Variants in LEKR1 observed in about 807,000 individuals in gnomAD.
LEKR1 encodes the protein leucine, glutamate and lysine rich 1, also known as protein LEKR1.
LEKR1 carries 59 observed loss-of-function variants against 72.4 expected under a neutral mutation model. The ratio of observed to expected loss-of-function variants is 0.82; its 90% confidence interval spans 0.66 to 1.01. The LOEUF (loss-of-function observed/expected upper bound fraction) is 1.01, where lower values mean the gene tolerates loss of function less well. LEKR1 is among the 50% of genes least tolerant of loss of function. LEKR1 has a pLI of 0.00. For synonymous variants in LEKR1, 257 were observed against 263.2 expected, an observed-to-expected ratio of 0.98 and a Z score of 0.23; for missense variants, 728 against 759.2, an observed-to-expected ratio of 0.96 and a Z score of 0.48.
At chr3:157,021,670 C>G (rs1374288386) in intron 10 of LEKR1, among the ~76,000 whole-genome samples, 1 of 152,090 alleles carries the variant, frequency 6.6e-6, no homozygotes, top group Non-Finnish European at 1.5e-5. Flanking sequence ...CCTAAAATAG[C>G]TATTGGGCTC....
intron 11 of LEKR1, among the ~76,000 whole-genome samples, chr3:157,026,819 C>T (rs1423911897): frequency 6.6e-6 from 1 of 152,158 alleles, no homozygotes; most frequent in Non-Finnish European, 1.5e-5. Context: ...TCATTAGAAG[C>T]AGCTCTTGTT....
intron 3 of LEKR1, among the ~76,000 whole-genome samples, chr3:156,891,490 G>A (rs921176006): frequency 1.3e-5 from 2 of 152,132 alleles, no homozygotes; most frequent in African/African-American, 4.8e-5. Flanking sequence ...GAAATATAAG[G>A]TTATTGTTTT....
chr3:156,969,677 G>A (rs958849590), intron 6 of LEKR1, among the ~76,000 whole-genome samples: 6 of 152,084 alleles, frequency 3.9e-5, no homozygotes, highest in Non-Finnish European at 8.8e-5. Flanking sequence ...ATTCACAGCC[G>A]AATTCTACCA....
chr3:156,896,197 CAG>C (rs1721164236), intron 3 of LEKR1, among the ~76,000 whole-genome samples: 1 of 152,030 alleles, frequency 6.6e-6, no homozygotes, highest in East Asian at 1.9e-4. Flanking sequence ...TGGGGCCTGT[CAG>C]GGGGCATGGT....
intron 3 of LEKR1, among the ~76,000 whole-genome samples, chr3:156,885,679 A>G (rs548494991): frequency 1.0e-3 from 154 of 152,342 alleles, no homozygotes; most frequent in Non-Finnish European, 1.7e-3. Flanking sequence ...GCGGAGAAGT[A>G]AAGTAGACCC....
chr3:156,849,654 G>A (rs1715089111), intron 2 of LEKR1, among the ~76,000 whole-genome samples: 1 of 152,102 alleles, frequency 6.6e-6, no homozygotes, highest in Non-Finnish European at 1.5e-5. Flanking sequence ...ACAAGAAATG[G>A]GGAAAGGATT....
At chr3:156,857,162 A>G (rs1487504191) in intron 3 of LEKR1, among the ~76,000 whole-genome samples, 1 of 152,096 alleles carries the variant, frequency 6.6e-6, no homozygotes, top group African/African-American at 2.4e-5. Flanking sequence ...TCTATCTTCT[A>G]TTGAGATGAT....
At chr3:156,884,275 A>G (rs1307129880) in intron 3 of LEKR1, among the ~76,000 whole-genome samples, 1 of 152,124 alleles carries the variant, frequency 6.6e-6, no homozygotes, top group African/African-American at 2.4e-5. Context: ...TACATTCAAC[A>G]TTAGTATTGA....
chr3:157,023,593 G>T (rs1733986445), intron 10 of LEKR1, among the ~76,000 whole-genome samples: 1 of 152,134 alleles, frequency 6.6e-6, no homozygotes, highest in African/African-American at 2.4e-5. Context: ...GCTTTACACA[G>T]AAGCTTTGCC....
intron 6 of LEKR1, among the ~76,000 whole-genome samples, chr3:156,943,014 T>A (rs1726365065): frequency 6.6e-6 from 1 of 151,980 alleles, no homozygotes; most frequent in African/African-American, 2.4e-5. Flanking sequence ...TGTGCTCTTC[T>A]ATGTTTCCTT....
chr3:156,890,881 A>G (rs1009566680), intron 3 of LEKR1, among the ~76,000 whole-genome samples: 3 of 139,480 alleles, frequency 2.2e-5, no homozygotes, highest in Non-Finnish European at 4.6e-5. Context: ...TTTTTTTGAG[A>G]TGGAGTCTCA....
At chr3:156,981,540 C>T (rs989466854) in intron 7 of LEKR1, among the ~76,000 whole-genome samples, 1 of 152,138 alleles carries the variant, frequency 6.6e-6, no homozygotes, top group African/African-American at 2.4e-5. Flanking sequence ...TTTAGAAATG[C>T]GAATTAGGAA....
chr3:156,961,591 G>A (rs904974406), intron 6 of LEKR1, among the ~76,000 whole-genome samples: 1 of 152,168 alleles, frequency 6.6e-6, no homozygotes, highest in African/African-American at 2.4e-5. Context: ...CCATGTTGTA[G>A]CATATGTAAG....
At chr3:156,976,640 A>C (rs1452636848) in intron 6 of LEKR1, among the ~76,000 whole-genome samples, 2 of 152,176 alleles carry the variant, frequency 1.3e-5, no homozygotes, top group Non-Finnish European at 2.9e-5. Context: ...TACCTCTTTA[A>C]GGATTCTGGG....
chr3:156,880,835 G>C (rs888750589), intron 3 of LEKR1, among the ~76,000 whole-genome samples: 1 of 152,186 alleles, frequency 6.6e-6, no homozygotes, highest in Non-Finnish European at 1.5e-5. Context: ...GGGATGCAAG[G>C]CTGGTTCAAT....
chr3:156,975,281 A>G (rs1158920433), intron 6 of LEKR1, among the ~76,000 whole-genome samples: 1 of 152,016 alleles, frequency 6.6e-6, no homozygotes, highest in Non-Finnish European at 1.5e-5. Flanking sequence ...ATAAAAAAGT[A>G]CAGCCTTCTA....
Position 156,993,095 on chromosome 3 carries a change from A to G in LEKR1, c.927A>G (p.Glu309=). ...SESQHTMLLK[E]KEDSLMTCQQ... ...TTAGGCATACTATGCTGCTTAAGGA[A>G]AAAGAAGACTCTTTAATGACTTGTC... Residue 309 remains glutamate, a synonymous_variant, in exon 9 of 13, where the codon GAA becomes GAG. Coordinates refer to ENST00000356539, the MANE Select transcript of LEKR1 (RefSeq NM_001004316.3). The G allele has an allele frequency of 6.2e-7, 1 of 1,602,742 alleles. No homozygotes were observed. The highest frequency in any genetic ancestry group is 8.5e-7 in the Non-Finnish European group (1 of 1,175,850).
At chr3:156,865,316 T>G (rs1476678196) in intron 3 of LEKR1, among the ~76,000 whole-genome samples, 2 of 152,034 alleles carry the variant, frequency 1.3e-5, no homozygotes, top group Non-Finnish European at 2.9e-5. Context: ...TGCCTCAGTT[T>G]TCTAGTCTGT....
At chr3:156,993,456 G>T (rs1340986166) in intron 9 of LEKR1, among the ~76,000 whole-genome samples, 179 bp downstream of exon 9, 2 of 151,776 alleles carry the variant, frequency 1.3e-5, no homozygotes, top group African/African-American at 4.8e-5. Context: ...TTAGACTGAA[G>T]CTCCAGTTGG....
Sources: gnomAD v4.1 joint callset for allele counts (sites outside exome capture counted in the v4.1 genomes callset) on GRCh38, gnomAD v4.1.1 for gene constraint, MANE v1.5 for transcripts, NCBI Gene and HGNC (gene_info 2026-07-23, HGNC 2026-07-21) for gene names.